Variants in CXorf38 observed in about 807,000 individuals in gnomAD.
CXorf38 encodes uncharacterized protein CXorf38.
Under a neutral mutation model 27.5 loss-of-function variants are expected in CXorf38, and 13 were observed. That is an observed-to-expected ratio of 0.47 (90% CI 0.31 to 0.75). CXorf38 has a LOEUF of 0.75. Ranked by LOEUF, CXorf38 falls within the 30% of genes least tolerant of loss-of-function variation. The pLI is 0.05. For synonymous variants in CXorf38, 100 were observed against 99.8 expected (o/e 1.00, Z -0.01); for missense variants, 240 against 253.2 (o/e 0.95, Z 0.35).
At chrX:40,639,193 G>C (rs1466773349) in intron 2 of CXorf38, 65 bp from the exon 3 acceptor site, 1 of 1,097,358 alleles carries the variant, frequency 9.1e-7, no homozygotes, top group Non-Finnish European at 1.2e-6. Context: ...GAAAGGCAAT[G>C]GTTACTTGTC....
chrX:40,637,201 G>C, intron 3 of CXorf38, 45 bp from the exon 4 acceptor site: 1 of 963,735 alleles, frequency 1.0e-6, no homozygotes, highest in South Asian at 2.8e-5. Flanking sequence ...TCAAACAATG[G>C]GGTAAACTGA....
chrX:40,628,173 A>G lies in CXorf38; in HGVS notation c.*1991T>C, dbSNP rs1418376053. The G allele has an allele frequency of 2.7e-5, 3 of 112,358 alleles. No individual in the cohort carries two copies. Among genetic ancestry groups the G allele is most frequent in the Non-Finnish European group, 5.6e-5 (3 of 53,299 alleles). 9.3% of individuals were successfully genotyped at this position (112,358 alleles called of 1,213,427 possible). On this transcript the variant is annotated 3_prime_UTR_variant, in exon 7 of 7. Coordinates refer to ENST00000327877, the MANE Select transcript of CXorf38 (RefSeq NM_144970.3). ...AAAGGGAGAAAGAAAATGTAAGACTAAAGACTAAATACTACCTGGACAGAT... is the reference window on the plus strand; with the variant it reads ...AAAGGGAGAAAGAAAATGTAAGACTGAAGACTAAATACTACCTGGACAGAT...
chrX:40,646,973 G>C, intron 2 of CXorf38, 34 bp downstream of exon 2: 1 of 1,194,859 alleles, frequency 8.4e-7, no homozygotes, highest in Non-Finnish European at 1.1e-6. Context: ...GTGACCCGCC[G>C]CTTCCTCCTT....
At chrX:40,631,604 C>A (rs986868374) in intron 5 of CXorf38, among the ~76,000 whole-genome samples, 1 of 111,610 alleles carries the variant, frequency 9.0e-6, no homozygotes, top group Admixed American at 9.5e-5. Context: ...CTGTGCCCAG[C>A]GATGAATGCT....
chrX:40,647,275 G>T, intron 1 of CXorf38, 30 bp downstream of exon 1: 1 of 1,099,551 alleles, frequency 9.1e-7, no homozygotes, highest in Non-Finnish European at 1.2e-6. Context: ...GGGTGGGGGC[G>T]GTGGTCAAGG....
At position 40,633,817 on chromosome X, in the gene CXorf38, G is replaced by C. The variant is rs184289668; in HGVS notation, c.801+2716C>G. Among the ~76,000 whole-genome samples, 52 of 111,514 alleles carry C rather than the reference G, an allele frequency of 4.7e-4. No individual in the cohort carries two copies. In the East Asian group the frequency reaches 0.013, roughly 28 times the overall value. ...TTTTCAAGTTTTTTAGCCACTAACT[G>C]TGCTCAATGTTCTTTAGTTGGATTT... is the stretch of plus-strand genomic sequence containing the variant. On this transcript the variant is annotated intron_variant, in intron 5 of 6. Transcript: ENST00000327877.
intron 2 of CXorf38, chrX:40,639,917 T>C: frequency 7.5e-6 from 1 of 133,059 alleles, no homozygotes; most frequent in Non-Finnish European, 1.5e-5. Context: ...AAAATGGTGT[T>C]ATGGGAAAGC....
rs747733567 is a variant in CXorf38 at position 40,646,970 on chromosome X, G to A, written c.351+37C>T. The A allele has an allele frequency of 7.6e-6, 9 of 1,191,822 alleles. No individual in the cohort carries two copies. In the Admixed American group the frequency reaches 2.1e-4, roughly 28 times the overall value. ...AGCCACCCCGAGTGCTGGGTGACCC[G>A]CCGCTTCCTCCTTCCGTCCCCGCCT... is the stretch of plus-strand genomic sequence containing the variant. On this transcript the variant is annotated intron_variant, in intron 2 of 6. Coordinates refer to ENST00000327877, the MANE Select transcript of CXorf38 (RefSeq NM_144970.3).
At chrX:40,643,222 C>T (rs748641224) in intron 2 of CXorf38, among the ~76,000 whole-genome samples, 2 of 111,602 alleles carry the variant, frequency 1.8e-5, no homozygotes, top group African/African-American at 6.5e-5. Flanking sequence ...GCCACCACAT[C>T]CGGCCTCTTA....
In CXorf38 at chrX:40,636,948, CTGT is replaced by C. The variant is rs1393908546; in HGVS notation, c.621+56_621+58del. 43 of 1,011,760 alleles carry C rather than the reference CTGT, an allele frequency of 4.3e-5. No homozygotes were observed. In the Middle Eastern group the frequency reaches 1.1e-3, roughly 25 times the overall value. 83.4% of individuals were successfully genotyped at this position (1,011,760 alleles called of 1,213,427 possible). A position where few individuals can be genotyped will look rare whatever the true frequency, so the allele number is the denominator to read the frequency against. On this transcript the variant is annotated intron_variant, in intron 4 of 6. Coordinates refer to ENST00000327877, the MANE Select transcript of CXorf38 (RefSeq NM_144970.3). ...TAAACTTCAAATTCTAAATGTGTGG[CTGT>C]TGTTGTTTTCTCTCTCTTCATTCTG... is the stretch of plus-strand genomic sequence containing the variant.
At chrX:40,636,947 G>T in intron 4 of CXorf38, 60 bp downstream of exon 4, 2 of 1,006,971 alleles carry the variant, frequency 2.0e-6, no homozygotes, top group Non-Finnish European at 2.7e-6. Flanking sequence ...TAAATGTGTG[G>T]CTGTTGTTGT....
At chrX:40,631,941 C>T (rs775006392) in intron 5 of CXorf38, among the ~76,000 whole-genome samples, 8 of 111,280 alleles carry the variant, frequency 7.2e-5, no homozygotes, top group African/African-American at 1.6e-4. Flanking sequence ...GTAAGTAGAC[C>T]GGGAATGTGC....
intron 5 of CXorf38, among the ~76,000 whole-genome samples, chrX:40,633,505 T>C (rs1191605348): frequency 2.7e-5 from 3 of 111,545 alleles, no homozygotes; most frequent in African/African-American, 9.8e-5. Flanking sequence ...CATTACCTTA[T>C]TATGTTTACT....
intron 2 of CXorf38, among the ~76,000 whole-genome samples, chrX:40,640,772 T>C (rs1398358365): frequency 9.1e-6 from 1 of 109,632 alleles, no homozygotes; most frequent in African/African-American, 3.3e-5. Flanking sequence ...AAACCCCATC[T>C]CTACTAAAAA....
rs370721473 is a variant in CXorf38, at chrX:40,629,019, G to T, written c.*1145C>A. On this transcript the variant is annotated 3_prime_UTR_variant, in exon 7 of 7. Transcript: ENST00000327877. Reference sequence around the variant, plus strand: ...CAACCTAGTAGTAACAGTTTTTGGGGTTTTTTTTTTTTTGAGACAGGGTCT... The same window carrying T: ...CAACCTAGTAGTAACAGTTTTTGGGTTTTTTTTTTTTTTGAGACAGGGTCT... The T allele has an allele frequency of 7.0e-3, 709 of 101,544 alleles. 4 individuals are homozygous for T. The highest frequency in any genetic ancestry group is 0.021 in the African/African-American group (585 of 27,722). The allele number at this position is 101,544 out of a possible 1,213,427, so 8.4% of individuals were successfully genotyped here.
At chrX:40,630,796 G>A in intron 5 of CXorf38, 23 bp from the exon 6 acceptor site, 1 of 1,192,586 alleles carries the variant, frequency 8.4e-7, no homozygotes, top group African/African-American at 1.7e-5. Context: ...ACCATGCAAT[G>A]TACAGCTTAG....
chrX:40,636,269 T>C (rs1170580990), intron 5 of CXorf38, among the ~76,000 whole-genome samples: 1 of 112,889 alleles, frequency 8.9e-6, no homozygotes, highest in Non-Finnish European at 1.9e-5. Context: ...AGAGCATTTT[T>C]TTCAGAATTC....
intron 5 of CXorf38, 148 bp from the exon 6 acceptor site, chrX:40,630,921 G>A: frequency 2.3e-6 from 1 of 426,516 alleles, no homozygotes. Context: ...TCCACAGACA[G>A]GTTAAAGTTT....
chrX:40,630,947 T>C (rs1927749763), intron 5 of CXorf38, among the ~76,000 whole-genome samples, 174 bp from the exon 6 acceptor site: 1 of 110,995 alleles, frequency 9.0e-6, no homozygotes, highest in Non-Finnish European at 1.9e-5. Flanking sequence ...ACAAAACAAA[T>C]CCTTTAAAAC....
Sources: allele counts gnomAD v4.1 joint callset (sites outside exome capture counted in the v4.1 genomes callset), GRCh38; gene constraint gnomAD v4.1.1; transcripts MANE v1.5; gene names NCBI Gene and HGNC (gene_info 2026-07-23, HGNC 2026-07-21).